The following FUT8 variants were observed in gnomAD, a reference collection of about 807,000 sequenced individuals.
FUT8 encodes the protein alpha-(1,6)-fucosyltransferase.
In FUT8, 29 loss-of-function variants were observed where a neutral mutation model predicts 71.3. The observed-to-expected ratio is 0.41, with a 90% CI of 0.30 to 0.55. FUT8 has a LOEUF of 0.55. Ranked by LOEUF, FUT8 falls within the 20% of genes least tolerant of loss-of-function variation. The probability of loss-of-function intolerance (pLI) is 0.34; values close to 1 mark genes in which losing one functional copy is unlikely to be tolerated. For synonymous variants in FUT8, 254 were observed against 239.3 expected (o/e 1.06, Z -0.57); for missense variants, 544 against 702.1 (o/e 0.77, Z 2.55).
At chr14:65,507,767 G>A (rs1292193624) in intron 2 of FUT8, among the ~76,000 whole-genome samples, 1 of 152,186 alleles carries the variant, frequency 6.6e-6, no homozygotes, top group Non-Finnish European at 1.5e-5. Context: ...AAACATGGGA[G>A]TGCAGATATC....
At chr14:65,580,010 C>T (rs535752606) in intron 3 of FUT8, among the ~76,000 whole-genome samples, 2 of 151,306 alleles carry the variant, frequency 1.3e-5, no homozygotes, top group South Asian at 2.1e-4. Flanking sequence ...AATAAATACA[C>T]CTTTGGCTTC....
At chr14:65,645,714 AC>A (rs1233309400) in intron 6 of FUT8, among the ~76,000 whole-genome samples, 3 of 152,180 alleles carry the variant, frequency 2.0e-5, no homozygotes, top group Non-Finnish European at 4.4e-5. Flanking sequence ...CATTTTCAAG[AC>A]TATTAGTGAC....
chr14:65,657,366 A>G (rs1891732202), intron 6 of FUT8, among the ~76,000 whole-genome samples: 1 of 152,214 alleles, frequency 6.6e-6, no homozygotes, highest in Non-Finnish European at 1.5e-5. Context: ...AAATATTTGC[A>G]CTTCCATGTT....
At position 65,524,898 on chromosome 14, in the gene FUT8, C is replaced by G. The variant is rs151324994; in HGVS notation, c.-227-36439C>G. Among the ~76,000 whole-genome samples, 19 of 152,238 alleles carry G rather than the reference C, an allele frequency of 1.2e-4. 3 individuals are homozygous for G. Among genetic ancestry groups the G allele is most frequent in the African/African-American group, 4.3e-4 (18 of 41,536 alleles). On this transcript the variant is annotated intron_variant, in intron 2 of 10. Coordinates refer to ENST00000673929, the MANE Select transcript of FUT8 (RefSeq NM_001371533.1). ...TGTTTATTGATTTATGTATGTTGAA[C>G]GAGCCTTGCATCCCAGGGATGAAGC...
chr14:65,453,422 C>T (rs1429852848), intron 1 of FUT8, among the ~76,000 whole-genome samples: 1 of 152,136 alleles, frequency 6.6e-6, no homozygotes, highest in Non-Finnish European at 1.5e-5. Flanking sequence ...TAATTTTCCC[C>T]ACTACTGAGG....
chr14:65,648,037 C>G lies in FUT8; in HGVS notation c.597+18431C>G, dbSNP rs138313520. On this transcript the variant is annotated intron_variant, in intron 6 of 10. Coordinates refer to ENST00000673929, the MANE Select transcript of FUT8 (RefSeq NM_001371533.1). ...TTTTTACAGATTTTATTGGCCTAGA[C>G]CAGAGGTCAGCAAACTACCACCCTT... 5.5e-3 allele frequency among the ~76,000 whole-genome samples: 845 copies of G among 152,284 alleles called. 1 individual carries two copies. The highest frequency in any genetic ancestry group is 0.01 in the Middle Eastern group (3 of 294).
chr14:65,679,691 C>A (rs1310884234), intron 7 of FUT8, among the ~76,000 whole-genome samples: 1 of 152,126 alleles, frequency 6.6e-6, no homozygotes, highest in African/African-American at 2.4e-5. Context: ...TTTCCTAGGG[C>A]AGTGCTTACA....
chr14:65,546,699 T>C (rs770262600), intron 2 of FUT8, among the ~76,000 whole-genome samples: 13 of 151,838 alleles, frequency 8.6e-5, no homozygotes, highest in Non-Finnish European at 1.9e-4. Flanking sequence ...AATAGAATTG[T>C]TGAGGTATAC....
intron 2 of FUT8, among the ~76,000 whole-genome samples, chr14:65,461,428 A>G (rs1325945903): frequency 6.6e-6 from 1 of 152,182 alleles, no homozygotes; most frequent in African/African-American, 2.4e-5. Context: ...TTAACTCAGT[A>G]TAGGGGACAT....
rs140883390 is a variant in FUT8 at position 65,530,108 on chromosome 14, T to C, written c.-227-31229T>C. Among the ~76,000 whole-genome samples, 206 of 152,324 alleles carry C rather than the reference T, an allele frequency of 1.4e-3. 1 individual carries two copies. Among genetic ancestry groups the C allele is most frequent in the African/African-American group, 4.9e-3 (203 of 41,574 alleles). On this transcript the variant is annotated intron_variant, in intron 2 of 10. Transcript: ENST00000673929. ...TCCTTTTTTTAAAGAAAATAGGTCT[T>C]TCTGTAACTCTCTCACTTCAGGAAC...
At chr14:65,419,755 T>G (rs1292329684) in intron 1 of FUT8, among the ~76,000 whole-genome samples, 1 of 152,200 alleles carries the variant, frequency 6.6e-6, no homozygotes, top group Non-Finnish European at 1.5e-5. Flanking sequence ...ACTCTAGGGG[T>G]TAGGCAGGTT....
intron 2 of FUT8, among the ~76,000 whole-genome samples, chr14:65,556,987 A>G (rs1778430043): frequency 6.6e-6 from 1 of 152,128 alleles, no homozygotes. Flanking sequence ...TAGCACCCAT[A>G]CTTTTAATTT....
chr14:65,721,758 T>C lies in FUT8; in HGVS notation c.836-17T>C. 1.9e-6 allele frequency: 3 copies of C among 1,613,586 alleles called. No homozygotes were observed. The highest frequency in any genetic ancestry group is 2.5e-6 in the Non-Finnish European group (3 of 1,179,464). ...GGAATACCATGTGGTAATGATTATA[T>C]GTTTCAATATTGTCAGGTGAAGTGA... On this transcript the variant is annotated splice_polypyrimidine_tract_variant and intron_variant, in intron 7 of 10. Transcript: ENST00000673929.
At chr14:65,576,797 G>A (rs1273015563) in intron 3 of FUT8, among the ~76,000 whole-genome samples, 1 of 136,844 alleles carries the variant, frequency 7.3e-6, no homozygotes. Flanking sequence ...TCAGCTCACT[G>A]CAACCTCCAC....
At chr14:65,635,611 A>G (rs747295816) in intron 6 of FUT8, among the ~76,000 whole-genome samples, 4 of 152,064 alleles carry the variant, frequency 2.6e-5, no homozygotes, top group Admixed American at 6.6e-5. Context: ...TTTGTTTTCA[A>G]TTCTTTTTAT....
intron 3 of FUT8, among the ~76,000 whole-genome samples, chr14:65,575,488 T>C (rs532771902): frequency 6.6e-6 from 1 of 152,262 alleles, no homozygotes. Context: ...ACTTTTTGGA[T>C]AGTCTGACCT....
At chr14:65,445,640 A>T (rs1217045521) in intron 1 of FUT8, among the ~76,000 whole-genome samples, 7 of 152,238 alleles carry the variant, frequency 4.6e-5, no homozygotes, top group Non-Finnish European at 1.0e-4. Context: ...AAGACATACA[A>T]AGAAACTGAA....
intron 1 of FUT8, among the ~76,000 whole-genome samples, chr14:65,422,896 G>T (rs997082819): frequency 6.6e-6 from 1 of 151,136 alleles, no homozygotes; most frequent in African/African-American, 2.4e-5. Flanking sequence ...GGCCTCAAAC[G>T]ATCCTCCTGC....
intron 6 of FUT8, among the ~76,000 whole-genome samples, chr14:65,647,449 A>G (rs1389880128): frequency 6.6e-6 from 1 of 152,204 alleles, no homozygotes; most frequent in African/African-American, 2.4e-5. Context: ...CTTTGTCTTT[A>G]ATGATAGTAT....
Sources: allele counts gnomAD v4.1 joint callset (sites outside exome capture counted in the v4.1 genomes callset), GRCh38; gene constraint gnomAD v4.1.1; transcripts MANE v1.5; gene names NCBI Gene and HGNC (gene_info 2026-07-23, HGNC 2026-07-21).